The following STRN4 variants were observed in gnomAD, a reference collection of about 807,000 sequenced individuals.
The protein encoded by STRN4 is striatin-4.
A neutral mutation model predicts 77.9 loss-of-function variants in STRN4; 27 were observed. That is an observed-to-expected ratio of 0.35 (90% CI 0.26 to 0.48). STRN4 has a LOEUF of 0.48. Among genes scored for constraint, STRN4 ranks in the 20% least tolerant of loss-of-function variants. The pLI is 0.99. For missense variants in STRN4, 798 were observed against 1,049.7 expected (o/e 0.76, Z 3.31); for synonymous variants, 466 against 443.1 (o/e 1.05, Z -0.65).
In STRN4 at chr19:46,738,086, A is replaced by G; in HGVS notation, c.460+78T>C. The G allele has an allele frequency of 2.1e-6, 3 of 1,423,116 alleles. No homozygotes were observed. Among genetic ancestry groups the G allele is most frequent in the East Asian group, 2.3e-5 (1 of 43,930 alleles). The allele number at this position is 1,423,116 out of a possible 1,614,324, so 88.2% of individuals were successfully genotyped here. On this transcript the variant is annotated intron_variant, in intron 3 of 17. Transcript: ENST00000263280. The surrounding 1 kb of genome is among the most constrained non-coding windows in gnomAD (Gnocchi z 4.5). ...CTAAGGAGCAAAGTGAGAAAGAGGCACCCCATCTTCCTGCTTCTCCAGAAC... is the reference window on the plus strand; with the variant it reads ...CTAAGGAGCAAAGTGAGAAAGAGGCGCCCCATCTTCCTGCTTCTCCAGAAC...
At chr19:46,728,876 T>C in intron 6 of STRN4, 99 bp from the exon 7 acceptor site, 1 of 1,517,870 alleles carries the variant, frequency 6.6e-7, no homozygotes, top group African/African-American at 1.4e-5. Flanking sequence ...TCTGGGCCCG[T>C]TTCTGTTCAT....
chr19:46,726,429 G>A (rs937365973), intron 9 of STRN4, among the ~76,000 whole-genome samples: 1 of 150,170 alleles, frequency 6.7e-6, no homozygotes, highest in Non-Finnish European at 1.5e-5. Context: ...ACGATCATTT[G>A]ACCCCAGGAG....
Position 46,723,449 on chromosome 19 carries a change from C to T in STRN4, c.1595-165G>A, listed in dbSNP as rs978310761. 1.3e-5 allele frequency among the ~76,000 whole-genome samples: 2 copies of T among 152,176 alleles called. No individual in the cohort carries two copies. Among genetic ancestry groups the T allele is most frequent in the African/African-American group, 4.8e-5 (2 of 41,450 alleles). ...GGAACTGTCCACTGCCAGGACAGCC[C>T]GGCAGCTGCTCACACTGCCCACTAG... On this transcript the variant is annotated intron_variant, in intron 12 of 17. Coordinates refer to ENST00000263280, the MANE Select transcript of STRN4 (RefSeq NM_013403.3). This position sits in a 1 kb window ranked among gnomAD's most constrained non-coding sequence, Gnocchi z 5.5.
intron 9 of STRN4, among the ~76,000 whole-genome samples, chr19:46,726,826 C>A (rs1393165727): frequency 2.0e-5 from 3 of 152,170 alleles, no homozygotes; most frequent in South Asian, 2.1e-4. Context: ...GGTTCACTCA[C>A]CCCCTCCCCT....
In STRN4 at chr19:46,728,846, AG is replaced by A. The variant is rs1246444819; in HGVS notation, c.880-70del. On this transcript the variant is annotated intron_variant, in intron 6 of 17. Coordinates refer to ENST00000263280, the MANE Select transcript of STRN4 (RefSeq NM_013403.3). Reference sequence around the variant, plus strand: ...CAGAGACTAAGCCACCTCCGTGCCTAGGAACAGGTAAGCCGGGGCTCTGGGC... The same window carrying A: ...CAGAGACTAAGCCACCTCCGTGCCTAGAACAGGTAAGCCGGGGCTCTGGGC... 4.4e-6 allele frequency: 7 copies of A among 1,582,914 alleles called. No homozygotes were observed. The African/African-American group carries it at 5.4e-5, about 12-fold the overall frequency.
intron 7 of STRN4, chr19:46,728,245 G>C: frequency 1.6e-6 from 1 of 636,392 alleles, no homozygotes; most frequent in Non-Finnish European, 2.8e-6. Flanking sequence ...CACGTATCCT[G>C]AGAGCCCTCC....
Position 46,732,803 on chromosome 19 carries a change from G to A in STRN4, c.737+236C>T, listed in dbSNP as rs1435484574. On this transcript the variant is annotated intron_variant, in intron 5 of 17. Transcript: ENST00000263280. ...AGAAGCGGGCAGGCCTGAGTATCAG[G>A]ACGGGGGCAGGGCTGGAGATGAGGC... The A allele has an allele frequency of 6.7e-5, 36 of 539,582 alleles. No homozygotes were observed. In the South Asian group the frequency reaches 7.3e-4, roughly 11 times the overall value. 33.4% of individuals were successfully genotyped at this position (539,582 alleles called of 1,614,324 possible).
At chr19:46,725,747 A>C in intron 9 of STRN4, 99 bp from the exon 10 acceptor site, 1 of 1,451,046 alleles carries the variant, frequency 6.9e-7, no homozygotes, top group Non-Finnish European at 9.3e-7. Context: ...TTCCACCCAC[A>C]TGACCCTGGC....
At position 46,730,903 on chromosome 19, in the gene STRN4, T is replaced by C. The variant is rs916779189; in HGVS notation, c.738-30A>G. The C allele has an allele frequency of 3.1e-6, 5 of 1,606,618 alleles. No individual in the cohort carries two copies. The South Asian group carries it at 5.5e-5, about 18-fold the overall frequency. ...CAAAGACAGCAGAGCAGAGGAGGCA[T>C]GAGTCCTGGCAGGTGTCAAAGCTCA... On this transcript the variant is annotated intron_variant, in intron 5 of 17. Coordinates refer to ENST00000263280, the MANE Select transcript of STRN4 (RefSeq NM_013403.3).
At chr19:46,739,191 G>A (rs566480594) in intron 1 of STRN4, 4 of 407,466 alleles carry the variant, frequency 9.8e-6, no homozygotes, top group Admixed American at 7.1e-5. Flanking sequence ...GGGGGAAGTC[G>A]GGTCAGGGAT....
chr19:46,740,905 A>C (rs943136150), intron 1 of STRN4, among the ~76,000 whole-genome samples: 4 of 152,202 alleles, frequency 2.6e-5, no homozygotes, highest in Non-Finnish European at 5.9e-5. Context: ...AAGAGAAGTT[A>C]GCCAGGGGAG....
intron 12 of STRN4, among the ~76,000 whole-genome samples, chr19:46,724,038 C>A (rs4803996): frequency 0.61 from 92,747 of 151,762 alleles, 28,910 homozygotes; most frequent in African/African-American, 0.74. Context: ...ACCTGAGGTC[C>A]GGAGTTCAAG....
chr19:46,722,124 TGAGA>T (rs1568386980), intron 15 of STRN4, 52 bp from the exon 16 acceptor site: 1 of 1,607,286 alleles, frequency 6.2e-7, no homozygotes, highest in African/African-American at 1.3e-5. Context: ...GGGCCTCGCC[TGAGA>T]GAGTGAAAGG....
Position 46,720,694 on chromosome 19 carries a change from G to T in STRN4, c.2170C>A (p.His724Asn), listed in dbSNP as rs2053956435. 1 of 1,611,054 alleles carries T rather than the reference G, an allele frequency of 6.2e-7. No individual in the cohort carries two copies. The highest frequency in any genetic ancestry group is 8.5e-7 in the Non-Finnish European group (1 of 1,178,426). Residue 724 changes from histidine to asparagine, a missense_variant, in exon 17 of 18, where the codon CAC (histidine) becomes AAC (asparagine). His to Asn is a moderately conservative substitution (Grantham distance 68, BLOSUM62 1). Transcript: ENST00000263280. The stretch of plus-strand genomic sequence containing the variant: ...GCAACAGCGTGGATGGCCTCCTCGT[G>T]CTTCTTGCGGTGGGCCGTGATCTCC... ...VQEITAHRKK[H>N]EEAIHAVACH... is the part of the protein sequence containing the mutation.
intron 1 of STRN4, among the ~76,000 whole-genome samples, chr19:46,742,180 GTTAC>G (rs1231987110): frequency 1.3e-5 from 2 of 152,138 alleles, no homozygotes. Context: ...CAGAAACCAC[GTTAC>G]TTACTTCTCA....
rs769032368 is a variant in STRN4, at chr19:46,725,652, G to C, written c.1249-4C>G. ...AAGCATCTTTGCTGTCAGACAGCTGGGGTTGGGGGGAGCTGCCTCAGTGTC... is the reference window on the plus strand; with the variant it reads ...AAGCATCTTTGCTGTCAGACAGCTGCGGTTGGGGGGAGCTGCCTCAGTGTC... On this transcript the variant is annotated splice_polypyrimidine_tract_variant and splice_region_variant and intron_variant, in intron 9 of 17. Transcript: ENST00000263280. 2 of 1,613,140 alleles carry C rather than the reference G, an allele frequency of 1.2e-6. No individual in the cohort carries two copies. The highest frequency in any genetic ancestry group is 2.7e-5 in the African/African-American group (2 of 75,026).
chr19:46,740,272 G>C (rs777299513), intron 1 of STRN4: 5 of 152,016 alleles, frequency 3.3e-5, no homozygotes, highest in Non-Finnish European at 7.4e-5. Context: ...CTGGGCGACA[G>C]AGCCAGACTT....
At chr19:46,744,292 A>T (rs1243842951) in intron 1 of STRN4, among the ~76,000 whole-genome samples, 1 of 152,228 alleles carries the variant, frequency 6.6e-6, no homozygotes, top group Non-Finnish European at 1.5e-5. Flanking sequence ...GAGCAGTTAC[A>T]TAAGGATTCT....
At chr19:46,720,373 CCGCCTCTAGGG>C (rs2053947903) in intron 17 of STRN4, 35 bp from the exon 18 acceptor site, 11 of 430,664 alleles carry the variant, frequency 2.6e-5, no homozygotes, top group Non-Finnish European at 3.5e-5. Flanking sequence ...GACTGAGCCG[CCGCCTCTAGGG>C]CGCCTCTAAG....
Sources: allele counts gnomAD v4.1 joint callset (sites outside exome capture counted in the v4.1 genomes callset), GRCh38; gene constraint gnomAD v4.1.1; non-coding constraint Gnocchi (gnomAD v3.1); transcripts MANE v1.5; gene names NCBI Gene and HGNC (gene_info 2026-07-23, HGNC 2026-07-21).